MYH14: variants seen among roughly 807,000 people sequenced by gnomAD.
MYH14 encodes myosin-14.
Under a neutral mutation model 255.5 loss-of-function variants are expected in MYH14, and 123 were observed. That is an observed-to-expected ratio of 0.48 (90% CI 0.42 to 0.56). MYH14 has a LOEUF of 0.56. MYH14 is among the 20% of genes least tolerant of loss of function. The pLI is 0.00. For synonymous variants in MYH14, 1,095 were observed against 1,161.2 expected, an observed-to-expected ratio of 0.94 and a Z score of 1.16; for missense variants, 2,423 against 2,802.3, an observed-to-expected ratio of 0.86 and a Z score of 3.06.
Position 50,281,825 on chromosome 19 carries a change from C to A in MYH14, c.4522C>A (p.Gln1508Lys). ...GCTTGTGAGCACCCTGGAGAAGAAG[C>A]AGCGCAAGTTTGACCAGGTGGGGCA... Reference protein sequence around the residue: ...RQLVSTLEKKQRKFDQLLAEE... With the variant: ...RQLVSTLEKKKRKFDQLLAEE... The change falls in exon 33 of 43, where the codon CAG (glutamine) becomes AAG (lysine). Residue 1508 changes from glutamine (Q) to lysine (K), a missense_variant. This residue lies in a region of MYH14 where 1,513 missense variants were observed against 1,674.8 expected (regional missense o/e 0.90). Transcript: ENST00000642316. The A allele has an allele frequency of 6.2e-7, 1 of 1,612,084 alleles. No homozygotes were observed. Among genetic ancestry groups the A allele is most frequent in the Non-Finnish European group, 8.5e-7 (1 of 1,179,326 alleles).
At chr19:50,260,748 CGTGTGTGT>C (rs149039486) in intron 20 of MYH14, 33 bp downstream of exon 20, 5 of 1,318,802 alleles carry the variant, frequency 3.8e-6, no homozygotes, top group Non-Finnish European at 5.3e-6. Flanking sequence ...TGCGTGTGTG[CGTGTGTGT>C]GTGTGCGTGC....
At chr19:50,227,660 T>C (rs2033174766) in intron 8 of MYH14, among the ~76,000 whole-genome samples, 1 of 152,088 alleles carries the variant, frequency 6.6e-6, no homozygotes, top group Non-Finnish European at 1.5e-5. Flanking sequence ...CAGGGGAGCA[T>C]CTCAGGACGG....
chr19:50,295,740 C>T (rs2036243710), intron 39 of MYH14, among the ~76,000 whole-genome samples: 1 of 151,290 alleles, frequency 6.6e-6, no homozygotes, highest in Non-Finnish European at 1.5e-5. Flanking sequence ...TGCAGTGAGC[C>T]ATGATTGCAC....
chr19:50,225,495 C>T (rs2033045504), intron 6 of MYH14, 90 bp from the exon 7 acceptor site: 1 of 940,822 alleles, frequency 1.1e-6, no homozygotes, highest in South Asian at 1.5e-5. Flanking sequence ...CACAGATACT[C>T]AGTCAGCTGG....
intron 24 of MYH14, 21 bp downstream of exon 24, chr19:50,268,388 A>G (rs1335604756): frequency 6.5e-7 from 1 of 1,548,716 alleles, no homozygotes; most frequent in African/African-American, 1.4e-5. Flanking sequence ...TTGCATGCCC[A>G]CCAGGCCACC....
At chr19:50,286,455 C>T in intron 33 of MYH14, 27 bp from the exon 34 acceptor site, 1 of 1,598,410 alleles carries the variant, frequency 6.3e-7, no homozygotes, top group Non-Finnish European at 8.5e-7. Flanking sequence ...TCTATTTCCC[C>T]CTACCCCATC....
At position 50,302,729 on chromosome 19, in the gene MYH14, C is replaced by T. The variant is rs1376063078; in HGVS notation, c.5678+860C>T. ...CAGCCTGACCAACATGGAGAAACTGCGTCTCTACTAAAAATACAAAAAATT... is the reference window on the plus strand; with the variant it reads ...CAGCCTGACCAACATGGAGAAACTGTGTCTCTACTAAAAATACAAAAAATT... On this transcript the variant is annotated intron_variant, in intron 40 of 42. Transcript: ENST00000642316. 4.6e-5 allele frequency among the ~76,000 whole-genome samples: 7 copies of T among 151,710 alleles called. No homozygotes were observed. In the East Asian group the frequency reaches 7.7e-4, roughly 17 times the overall value.
At position 50,268,186 on chromosome 19, in the gene MYH14, C is replaced by T; in HGVS notation, c.2852C>T (p.Ala951Val). ...AQLEEERARLAEQLRAEAELC... is the reference protein window; with the variant it reads ...AQLEEERARLVEQLRAEAELC... ...CTGGAAGAGGAGCGCGCCCGCCTGG[C>T]AGAGCAATTGCGAGCAGAGGCAGAA... Residue 951 changes from alanine (A) to valine (V), a missense_variant, in exon 24 of 43, where the codon GCA (alanine) becomes GTA (valine). Coordinates refer to ENST00000642316, the MANE Select transcript of MYH14 (RefSeq NM_001145809.2). 1 of 1,551,276 alleles carries T rather than the reference C, an allele frequency of 6.4e-7. No individual in the cohort carries two copies. Among genetic ancestry groups the T allele is most frequent in the South Asian group, 1.2e-5 (1 of 84,138 alleles).
chr19:50,260,790 T>G, intron 20 of MYH14, 75 bp downstream of exon 20: 1 of 1,127,394 alleles, frequency 8.9e-7, no homozygotes, highest in East Asian at 2.5e-5. Flanking sequence ...CATGTGTGTG[T>G]GCATGCATAT....
chr19:50,260,770 A>G, intron 20 of MYH14, 55 bp downstream of exon 20: 1 of 1,253,644 alleles, frequency 8.0e-7, no homozygotes, highest in Non-Finnish European at 1.1e-6. Context: ...TGCGTGCATG[A>G]GTGTGCGTGC....
intron 7 of MYH14, 27 bp from the exon 8 acceptor site, chr19:50,226,876 A>G: frequency 6.2e-7 from 1 of 1,612,966 alleles, no homozygotes; most frequent in Non-Finnish European, 8.5e-7. Flanking sequence ...CCCTCTGCTG[A>G]AGCCCACCCA....
intron 33 of MYH14, among the ~76,000 whole-genome samples, chr19:50,282,271 A>T (rs1048029435): frequency 6.6e-6 from 1 of 152,194 alleles, no homozygotes; most frequent in Non-Finnish European, 1.5e-5. Flanking sequence ...CAGCCTGAGG[A>T]TGAAATAAAA....
intron 20 of MYH14, 95 bp downstream of exon 20, chr19:50,260,810 CGTGTGTGTGCAA>C (rs1029238182): frequency 7.9e-6 from 7 of 882,822 alleles, no homozygotes; most frequent in African/African-American, 2.1e-5. Flanking sequence ...TGTGTGCATG[CGTGTGTGTGCAA>C]GTGTGTGTGC....
At chr19:50,283,543 T>C (rs960272539) in intron 33 of MYH14, among the ~76,000 whole-genome samples, 1 of 152,252 alleles carries the variant, frequency 6.6e-6, no homozygotes, top group Non-Finnish European at 1.5e-5. Flanking sequence ...ATTTTGATAT[T>C]CATTAACCTT....
Position 50,276,216 on chromosome 19 carries a change from G to A in MYH14, c.3680+13G>A. 2.0e-6 allele frequency: 3 copies of A among 1,522,354 alleles called. No individual in the cohort carries two copies. Among genetic ancestry groups the A allele is most frequent in the Non-Finnish European group, 2.6e-6 (3 of 1,132,198 alleles). The allele number at this position is 1,522,354 out of a possible 1,614,324, so 94.3% of individuals were successfully genotyped here. A position where few individuals can be genotyped will look rare whatever the true frequency, so the allele number is the denominator to read the frequency against. On this transcript the variant is annotated intron_variant, in intron 28 of 42. Coordinates refer to ENST00000642316, the MANE Select transcript of MYH14 (RefSeq NM_001145809.2). This position sits in a 1 kb window ranked among gnomAD's most constrained non-coding sequence, Gnocchi z 4.3. Reference sequence around the variant, plus strand: ...AGCAGGAGCTCCGGTGAGGCCCGGTGGCAGGCCGCTGTCACAGCCTGTGCA... The same window carrying A: ...AGCAGGAGCTCCGGTGAGGCCCGGTAGCAGGCCGCTGTCACAGCCTGTGCA...
chr19:50,291,196 C>A (rs911936570), intron 36 of MYH14, 148 bp downstream of exon 36: 7 of 579,848 alleles, frequency 1.2e-5, no homozygotes, highest in Non-Finnish European at 1.9e-5. Context: ...AACATCCATG[C>A]CCCAGAGGCT....
chr19:50,233,318 C>T lies in MYH14; in HGVS notation c.1114+1248C>T, dbSNP rs143917132. Among the ~76,000 whole-genome samples, 690 of 151,936 alleles carry T rather than the reference C, an allele frequency of 4.5e-3. 3 individuals carry two copies. Among genetic ancestry groups the T allele is most frequent in the Middle Eastern group, 0.02 (6 of 294 alleles). ...CCGAGTAACTGGGATTACAGGCGCC[C>T]GCCACCTCGCCTGGATAATTTTTGT... On this transcript the variant is annotated intron_variant, in intron 10 of 42. Transcript: ENST00000642316.
At chr19:50,255,442 C>T (rs2034559273) in intron 17 of MYH14, 124 bp downstream of exon 17, 1 of 725,806 alleles carries the variant, frequency 1.4e-6, no homozygotes, top group Non-Finnish European at 2.4e-6. Context: ...CTCACTCTTC[C>T]TTTCCCTCCT....
At chr19:50,207,237 A>G (rs1000471358) in intron 1 of MYH14, among the ~76,000 whole-genome samples, 8 of 95,204 alleles carry the variant, frequency 8.4e-5, no homozygotes, top group Non-Finnish European at 1.5e-4. Context: ...TCTAAGAAAA[A>G]AGAGAGAGAG....
Sources: gnomAD v4.1 joint callset for allele counts (sites outside exome capture counted in the v4.1 genomes callset) on GRCh38, gnomAD v4.1.1 for gene constraint, gnomAD v4.1.1 regional missense constraint, Gnocchi (gnomAD v3.1) non-coding constraint, MANE v1.5 for transcripts, NCBI Gene and HGNC (gene_info 2026-07-23, HGNC 2026-07-21) for gene names.